Variants in THSD7A observed in about 807,000 individuals in gnomAD.
The protein encoded by THSD7A is thrombospondin type 1 domain containing 7A.
Under a neutral mutation model 231.3 loss-of-function variants are expected in THSD7A, and 96 were observed. That is an observed-to-expected ratio of 0.41 (90% CI 0.35 to 0.49). THSD7A has a LOEUF of 0.49. Among genes scored for constraint, THSD7A ranks in the 20% least tolerant of loss-of-function variants. THSD7A has a pLI of 0.05. For missense variants in THSD7A, 2,290 were observed against 2,070.2 expected (o/e 1.11, Z -2.06); for synonymous variants, 940 against 743.3 (o/e 1.26, Z -4.30).
chr7:11,793,869 G>A (rs1784041360), intron 1 of THSD7A, among the ~76,000 whole-genome samples: 2 of 151,482 alleles, frequency 1.3e-5, no homozygotes, highest in South Asian at 4.2e-4. Context: ...GAATTTTTAA[G>A]GAAACACAAG....
At chr7:11,404,963 A>C (rs920741854) in intron 22 of THSD7A, among the ~76,000 whole-genome samples, 3 of 152,086 alleles carry the variant, frequency 2.0e-5, no homozygotes, top group African/African-American at 7.2e-5. Context: ...GGTTTTTAAA[A>C]ATAGTTTAGT....
chr7:11,583,210 A>ATTTTTTTTTTTTTTTT (rs1361326156), intron 4 of THSD7A, among the ~76,000 whole-genome samples: 10 of 151,970 alleles, frequency 6.6e-5, no homozygotes, highest in African/African-American at 2.4e-4. Context: ...CTGACTCATT[A>ATTTTTTTTTTTTTTTT]TTTTTAATCT....
At chr7:11,433,033 T>A (rs751283523) in intron 13 of THSD7A, among the ~76,000 whole-genome samples, 1 of 152,106 alleles carries the variant, frequency 6.6e-6, no homozygotes, top group East Asian at 1.9e-4. Flanking sequence ...TTGTGAGACA[T>A]AGAAGACAGA....
chr7:11,795,218 T>TA (rs1251117299), intron 1 of THSD7A, among the ~76,000 whole-genome samples: 2 of 151,982 alleles, frequency 1.3e-5, no homozygotes, highest in Non-Finnish European at 2.9e-5. Flanking sequence ...ATTAAAAACA[T>TA]ACATTTGTAC....
chr7:11,720,151 G>A (rs888465081), intron 1 of THSD7A, among the ~76,000 whole-genome samples: 12 of 151,600 alleles, frequency 7.9e-5, no homozygotes, highest in Non-Finnish European at 1.8e-4. Context: ...TTTCACCACT[G>A]CCCCTAGAAA....
intron 1 of THSD7A, among the ~76,000 whole-genome samples, chr7:11,651,545 C>G (rs1441725243): frequency 2.7e-5 from 4 of 150,934 alleles, no homozygotes; most frequent in African/African-American, 9.8e-5. Flanking sequence ...TGAACTATAG[C>G]CCACCCTTTT....
intron 1 of THSD7A, among the ~76,000 whole-genome samples, chr7:11,678,691 G>T (rs1015291905): frequency 6.6e-6 from 1 of 151,928 alleles, no homozygotes; most frequent in African/African-American, 2.4e-5. Context: ...GTTCTGAAAT[G>T]GGTGTAGTAA....
At chr7:11,663,509 A>G (rs562370314) in intron 1 of THSD7A, among the ~76,000 whole-genome samples, 169 of 151,738 alleles carry the variant, frequency 1.1e-3, no homozygotes, top group African/African-American at 3.8e-3. Flanking sequence ...ATTCCAGAAC[A>G]TAGAGGAAAA....
chr7:11,520,683 C>T (rs1226977159), intron 6 of THSD7A, among the ~76,000 whole-genome samples: 2 of 152,128 alleles, frequency 1.3e-5, no homozygotes, highest in Non-Finnish European at 2.9e-5. Flanking sequence ...AATTGTAAAA[C>T]ATCTTCAAGT....
At chr7:11,711,279 G>A (rs759984562) in intron 1 of THSD7A, among the ~76,000 whole-genome samples, 1 of 150,904 alleles carries the variant, frequency 6.6e-6, no homozygotes, top group East Asian at 2.0e-4. Flanking sequence ...GAATGAAGGA[G>A]CTTGTTGGAG....
chr7:11,799,296 G>A (rs774181580), intron 1 of THSD7A, among the ~76,000 whole-genome samples: 4 of 152,126 alleles, frequency 2.6e-5, no homozygotes, highest in South Asian at 2.1e-4. Flanking sequence ...AAAAGCATAC[G>A]GATTGGCACA....
At chr7:11,382,642 A>G in intron 23 of THSD7A, 26 bp from the exon 24 acceptor site, 1 of 1,563,254 alleles carries the variant, frequency 6.4e-7, no homozygotes, top group South Asian at 1.1e-5. Context: ...AAACATTAGC[A>G]GAAGCATTCT....
intron 6 of THSD7A, among the ~76,000 whole-genome samples, chr7:11,521,906 T>C (rs567983646): frequency 6.6e-6 from 1 of 152,168 alleles, no homozygotes; most frequent in South Asian, 2.1e-4. Flanking sequence ...TAGAGCATCT[T>C]AGAATATGTT....
At chr7:11,721,646 C>T (rs563702404) in intron 1 of THSD7A, among the ~76,000 whole-genome samples, 11 of 151,910 alleles carry the variant, frequency 7.2e-5, no homozygotes, top group Non-Finnish European at 1.5e-4. Flanking sequence ...TGGATTACTA[C>T]TGATAGAAGC....
At chr7:11,758,896 G>A (rs1562533863) in intron 1 of THSD7A, among the ~76,000 whole-genome samples, 1 of 152,068 alleles carries the variant, frequency 6.6e-6, no homozygotes, top group Non-Finnish European at 1.5e-5. Flanking sequence ...GTAGCTGTGT[G>A]CCAGTAAAAC....
chr7:11,739,169 A>G (rs1782020672), intron 1 of THSD7A, among the ~76,000 whole-genome samples: 1 of 152,082 alleles, frequency 6.6e-6, no homozygotes, highest in Non-Finnish European at 1.5e-5. Flanking sequence ...GCATAAGGAA[A>G]AGTGAAATCC....
At chr7:11,820,596 T>C (rs1465135445) in intron 1 of THSD7A, 2 of 730,844 alleles carry the variant, frequency 2.7e-6, no homozygotes, top group Non-Finnish European at 4.9e-6. Context: ...GCCTCTGTCC[T>C]GGCCTCTTCC....
chr7:11,766,528 G>A (rs1441246304), intron 1 of THSD7A, among the ~76,000 whole-genome samples: 1 of 152,106 alleles, frequency 6.6e-6, no homozygotes. Flanking sequence ...TGGTTCAAAC[G>A]TTTATCCTTA....
chr7:11,427,177 A>G (rs1468780214), intron 14 of THSD7A, among the ~76,000 whole-genome samples: 2 of 152,206 alleles, frequency 1.3e-5, no homozygotes, highest in African/African-American at 2.4e-5. Context: ...GCTTCTGATT[A>G]TTTTACTGAG....
Sources: allele counts gnomAD v4.1 joint callset (sites outside exome capture counted in the v4.1 genomes callset), GRCh38; gene constraint gnomAD v4.1.1; transcripts MANE v1.5; gene names NCBI Gene and HGNC (gene_info 2026-07-23, HGNC 2026-07-21).